COMMD5: variants seen among roughly 807,000 people sequenced by gnomAD.
COMMD5 encodes COMM domain containing 5, also known as COMM domain-containing protein 5.
Under a neutral mutation model 6.9 loss-of-function variants are expected in COMMD5, and 10 were observed. The observed-to-expected ratio is 1.44, with a 90% CI of 0.89 to 2.45. The LOEUF (loss-of-function observed/expected upper bound fraction) is 2.45, where lower values mean the gene tolerates loss of function less well. Ranked by LOEUF, COMMD5 falls within the 30% of genes most tolerant of loss-of-function variation. COMMD5 has a pLI of 0.00. For missense variants in COMMD5, 234 were observed against 287.8 expected, an observed-to-expected ratio of 0.81 and a Z score of 1.35; for synonymous variants, 127 against 125.3, an observed-to-expected ratio of 1.01 and a Z score of -0.09.
intron 1 of COMMD5, chr8:144,843,218 C>T (rs751222248): frequency 1.3e-6 from 2 of 1,499,204 alleles, no homozygotes; most frequent in African/African-American, 2.8e-5. Flanking sequence ...ATAGCCTTAA[C>T]TTACTTATTT....
intron 1 of COMMD5, chr8:144,841,818 G>A (rs528899445): frequency 1.2e-6 from 2 of 1,614,078 alleles, no homozygotes; most frequent in Admixed American, 3.3e-5. Context: ...ACTGCTTGCA[G>A]GGGAAACATA....
downstream of COMMD5, chr8:144,838,107 C>G: frequency 1.4e-6 from 1 of 703,034 alleles, no homozygotes; most frequent in Non-Finnish European, 2.6e-6. Context: ...CTCCGGGCAG[C>G]TGGTGGTTTT....
Position 144,843,350 on chromosome 8 carries a change from G to A in COMMD5, c.*117-1607C>T, listed in dbSNP as rs562268562. The A allele has an allele frequency of 8.9e-5, 62 of 697,488 alleles. No individual in the cohort carries two copies. In the African/African-American group the frequency reaches 1.1e-3, roughly 12 times the overall value. The allele number at this position is 697,488 out of a possible 1,614,324, so 43.2% of individuals were successfully genotyped here. ...TATGCCTGTCATCCCAGCACTTTGG[G>A]AGGCCAAGGCGGGCACATCACGAGG... On this transcript the variant is annotated intron_variant and NMD_transcript_variant, in intron 1 of 1. Transcript: ENST00000530332.
At chr8:144,852,098 GCCGCTGCACT>G (rs1830773025) in intron 1 of COMMD5, among the ~76,000 whole-genome samples, 1 of 147,450 alleles carries the variant, frequency 6.8e-6, no homozygotes, top group African/African-American at 2.5e-5. Context: ...ACGAAATCGA[GCCGCTGCACT>G]CCAGCCTGGA....
rs904179337 is a variant in COMMD5, at chr8:144,842,425, C to G, written c.*117-682G>C. 2.5e-6 allele frequency: 4 copies of G among 1,614,066 alleles called. No individual in the cohort carries two copies. The highest frequency in any genetic ancestry group is 1.7e-5 in the Admixed American group (1 of 60,014). On this transcript the variant is annotated intron_variant and NMD_transcript_variant, in intron 1 of 1. Transcript: ENST00000530332. ...TCAGCTGATTCACACTGGAGAGAAGCCTTATAAATGCAACAAGTGTACAAA... is the reference window on the plus strand; with the variant it reads ...TCAGCTGATTCACACTGGAGAGAAGGCTTATAAATGCAACAAGTGTACAAA...
At chr8:144,842,988 T>C (rs1190916831) in intron 1 of COMMD5, 2 of 1,614,186 alleles carry the variant, frequency 1.2e-6, no homozygotes, top group Non-Finnish European at 8.5e-7. Flanking sequence ...GTAAAAAGGT[T>C]AATACTATAA....
Position 144,850,801 on chromosome 8 carries a change from G to A in COMMD5, c.538C>T (p.Leu180=). 6.2e-7 allele frequency: 1 copy of A among 1,614,082 alleles called. No homozygotes were observed. The highest frequency in any genetic ancestry group is 1.7e-5 in the Admixed American group (1 of 60,030). ...RSLQPSVLMQ[L]KLSDGSAYRF... ...TATGCTGACCCATCTGAAAGCTTCAGCTGCATCAGGACGCTCGGCTGCAGG... is the reference window on the plus strand; with the variant it reads ...TATGCTGACCCATCTGAAAGCTTCAACTGCATCAGGACGCTCGGCTGCAGG... The change falls in exon 2 of 2, where the codon CTG becomes TTG. Residue 180 remains leucine, a synonymous_variant. Transcript: ENST00000305103. This position sits in a 1 kb window ranked among gnomAD's most constrained non-coding sequence, Gnocchi z 4.0.
In COMMD5 at chr8:144,841,469, G is replaced by A. The variant is rs778694550; in HGVS notation, c.*391C>T. The A allele has an allele frequency of 3.1e-6, 5 of 1,614,188 alleles. No individual in the cohort carries two copies. The South Asian group carries it at 5.5e-5, about 18-fold the overall frequency. ...CCACAGGACTTTCCTCAGAATCCTG[G>A]CTTTGGAGACGTTTCTGATTCTGAG... On this transcript the variant is annotated 3_prime_UTR_variant and NMD_transcript_variant, in exon 2 of 2. Transcript: ENST00000530332.
intron 1 of COMMD5, chr8:144,842,117 G>GT: frequency 6.2e-7 from 1 of 1,613,856 alleles, no homozygotes; most frequent in Non-Finnish European, 8.5e-7. Flanking sequence ...TATGGTTGTC[G>GT]TGAGTGTGGG....
exon 2 of COMMD5, chr8:144,841,670 G>T: frequency 6.2e-7 from 1 of 1,614,166 alleles, no homozygotes; most frequent in Non-Finnish European, 8.5e-7. Context: ...GAAAGTCAGG[G>T]AGAGAGTGCG....
At chr8:144,844,730 A>G (rs1303936600) in intron 1 of COMMD5, among the ~76,000 whole-genome samples, 1 of 122,848 alleles carries the variant, frequency 8.1e-6, no homozygotes, top group East Asian at 2.3e-4. Flanking sequence ...AAAAAAAAAA[A>G]AAAAAACGAA....
intron 1 of COMMD5, among the ~76,000 whole-genome samples, chr8:144,844,067 G>A (rs143399320): frequency 4.6e-5 from 7 of 152,324 alleles, no homozygotes; most frequent in Non-Finnish European, 5.9e-5. Context: ...ACAGAAGCAA[G>A]GTGTCACAGC....
chr8:144,848,300 T>C (rs1337224142), downstream of COMMD5, among the ~76,000 whole-genome samples: 2 of 150,716 alleles, frequency 1.3e-5, no homozygotes. Flanking sequence ...GGAGACCTTG[T>C]CTCAAAAAAA....
At chr8:144,851,471 CCAT>C in intron 1 of COMMD5, 76 bp from the exon 2 acceptor site, 1 of 948,766 alleles carries the variant, frequency 1.1e-6, no homozygotes, top group South Asian at 1.7e-5. Context: ...GATATGGTCC[CCAT>C]CATCAGCATG....
chr8:144,851,012 G>A lies in COMMD5; in HGVS notation c.327C>T (p.Phe109=), dbSNP rs545495374. 5.0e-6 allele frequency: 8 copies of A among 1,612,620 alleles called. No individual in the cohort carries two copies. The highest frequency in any genetic ancestry group is 2.7e-5 in the African/African-American group (2 of 75,046). Residue 109 remains phenylalanine, a synonymous_variant, in exon 2 of 2, where the codon TTC becomes TTT. Coordinates refer to ENST00000305103, the MANE Select transcript of COMMD5 (RefSeq NM_014066.4). The part of the protein sequence containing the change: ...LPPTSLKPDT[F]RDQLQELCIP... ...TGCAGAGCTCCTGGAGCTGGTCCCT[G>A]AAGGTGTCAGGCTTCAGGCTGGTGG...
chr8:144,848,203 G>A (rs142620251), downstream of COMMD5, among the ~76,000 whole-genome samples: 211 of 151,954 alleles, frequency 1.4e-3, 2 homozygotes, highest in African/African-American at 4.7e-3. Context: ...AAAATTAGCC[G>A]GGTGTGGTGT....
At chr8:144,846,421 G>C (rs374519055), downstream of COMMD5, 1 of 461,836 alleles carries the variant, frequency 2.2e-6, no homozygotes, top group Non-Finnish European at 3.9e-6. Context: ...ACTGTGCACA[G>C]TGTCCCTGGG....
chr8:144,844,584 C>T (rs1022037598), intron 1 of COMMD5, among the ~76,000 whole-genome samples: 45 of 151,816 alleles, frequency 3.0e-4, no homozygotes, highest in Non-Finnish European at 1.5e-5. Flanking sequence ...GTGGCGGGCA[C>T]CTGTAGTCTC....
downstream of COMMD5, among the ~76,000 whole-genome samples, chr8:144,839,872 G>C (rs1326992565): frequency 1.3e-5 from 2 of 152,324 alleles, no homozygotes; most frequent in East Asian, 3.9e-4. Flanking sequence ...CCCCCTGCTG[G>C]GTGGTTCCTG....
Sources: gnomAD v4.1 joint callset for allele counts (sites outside exome capture counted in the v4.1 genomes callset) on GRCh38, gnomAD v4.1.1 for gene constraint, Gnocchi (gnomAD v3.1) non-coding constraint, MANE v1.5 for transcripts, NCBI Gene and HGNC (gene_info 2026-07-23, HGNC 2026-07-21) for gene names.